NUBPL: variants seen among roughly 807,000 people sequenced by gnomAD.
NUBPL encodes NUBP iron-sulfur cluster assembly factor, mitochondrial.
In NUBPL, 31 loss-of-function variants were observed where a neutral mutation model predicts 45.7. The ratio of observed to expected loss-of-function variants is 0.68; its 90% CI spans 0.51 to 0.92. NUBPL has a LOEUF of 0.92. Ranked by LOEUF, NUBPL falls within the 40% of genes least tolerant of loss-of-function variation. The pLI is 0.00. For synonymous variants in NUBPL, 144 were observed against 140.9 expected, an observed-to-expected ratio of 1.02 and a Z score of -0.15; for missense variants, 401 against 398.7, an observed-to-expected ratio of 1.01 and a Z score of -0.05.
At chr14:31,807,183 T>G in intron 7 of NUBPL, among the ~76,000 whole-genome samples, 1 of 152,234 alleles carries the variant, frequency 6.6e-6, no homozygotes, top group Admixed American at 6.5e-5. Context: ...TTTAGATCCT[T>G]GAGGAATCGC....
chr14:31,569,529 G>A (rs573110660), intron 3 of NUBPL, among the ~76,000 whole-genome samples: 7 of 152,274 alleles, frequency 4.6e-5, no homozygotes, highest in Non-Finnish European at 7.4e-5. Flanking sequence ...TATAGGAATA[G>A]GGTGTAGATT....
At chr14:31,693,663 T>G (rs1170707340) in intron 6 of NUBPL, among the ~76,000 whole-genome samples, 1 of 152,170 alleles carries the variant, frequency 6.6e-6, no homozygotes, top group Non-Finnish European at 1.5e-5. Flanking sequence ...AATTTCTTTT[T>G]ATGATTTTTG....
chr14:31,786,383 G>T (rs981216498), intron 6 of NUBPL, among the ~76,000 whole-genome samples: 3 of 152,154 alleles, frequency 2.0e-5, no homozygotes, highest in African/African-American at 7.2e-5. Context: ...TGAAACAACA[G>T]TAAATGAATG....
intron 6 of NUBPL, among the ~76,000 whole-genome samples, chr14:31,707,491 G>T (rs894450002): frequency 2.0e-5 from 3 of 151,284 alleles, no homozygotes; most frequent in African/African-American, 7.3e-5. Context: ...TTCTTTCTTT[G>T]ACTTTTTGTC....
At chr14:31,582,073 T>G (rs116662336) in intron 3 of NUBPL, among the ~76,000 whole-genome samples, 1 of 152,178 alleles carries the variant, frequency 6.6e-6, no homozygotes, top group African/African-American at 2.4e-5. Flanking sequence ...TAAGCCTTGT[T>G]TTTTAGTAGT....
chr14:31,631,135 T>C (rs911193201), intron 4 of NUBPL, among the ~76,000 whole-genome samples: 7 of 152,058 alleles, frequency 4.6e-5, no homozygotes, highest in African/African-American at 1.7e-4. Context: ...TCTCACTTGT[T>C]TTTCTTTTTT....
intron 7 of NUBPL, among the ~76,000 whole-genome samples, chr14:31,814,508 C>A (rs1315218133): frequency 2.6e-5 from 4 of 151,870 alleles, no homozygotes; most frequent in African/African-American, 9.7e-5. Context: ...ATGATAATTT[C>A]TTTTGCTGTG....
intron 3 of NUBPL, among the ~76,000 whole-genome samples, chr14:31,595,076 A>G (rs2034247703): frequency 6.6e-6 from 1 of 152,236 alleles, no homozygotes; most frequent in South Asian, 2.1e-4. Flanking sequence ...ACAAAGCAGT[A>G]TCAAAACTGT....
At chr14:31,784,369 T>C (rs1396322637) in intron 6 of NUBPL, among the ~76,000 whole-genome samples, 4 of 152,164 alleles carry the variant, frequency 2.6e-5, no homozygotes, top group African/African-American at 4.8e-5. Context: ...CATGAAGTCT[T>C]TGTATGAGAA....
At chr14:31,661,463 A>G (rs2036267191) in intron 4 of NUBPL, among the ~76,000 whole-genome samples, 1 of 152,248 alleles carries the variant, frequency 6.6e-6, no homozygotes, top group African/African-American at 2.4e-5. Context: ...TGTACCTGTA[A>G]TCATGAGTTG....
intron 4 of NUBPL, among the ~76,000 whole-genome samples, chr14:31,610,732 T>C (rs2034734851): frequency 6.6e-6 from 1 of 151,996 alleles, no homozygotes. Context: ...CCATTCATCA[T>C]GACCAACTGG....
chr14:31,748,858 C>A (rs2038459380), intron 6 of NUBPL, among the ~76,000 whole-genome samples: 2 of 152,094 alleles, frequency 1.3e-5, no homozygotes, highest in African/African-American at 4.8e-5. Context: ...GGTGATCTAC[C>A]CACCTGGGCT....
chr14:31,677,913 T>A (rs938977228), intron 6 of NUBPL, among the ~76,000 whole-genome samples: 1 of 152,176 alleles, frequency 6.6e-6, no homozygotes. Context: ...AGACCCCAGG[T>A]GGGTCCAGAG....
At chr14:31,816,868 A>T (rs796764068) in intron 7 of NUBPL, among the ~76,000 whole-genome samples, 2 of 152,034 alleles carry the variant, frequency 1.3e-5, no homozygotes, top group Non-Finnish European at 1.5e-5. Context: ...CCTGAGTTCT[A>T]ATTTGATTGC....
chr14:31,679,717 A>G (rs553254073), intron 6 of NUBPL, among the ~76,000 whole-genome samples: 34 of 152,068 alleles, frequency 2.2e-4, no homozygotes, highest in Non-Finnish European at 3.7e-4. Flanking sequence ...TGTTTTTTCA[A>G]TTGTTTTGGC....
chr14:31,631,229 T>C (rs2035333602), intron 4 of NUBPL, among the ~76,000 whole-genome samples: 1 of 152,120 alleles, frequency 6.6e-6, no homozygotes, highest in Non-Finnish European at 1.5e-5. Context: ...TTTTTACAGG[T>C]GTCTGTGTGT....
intron 8 of NUBPL, among the ~76,000 whole-genome samples, chr14:31,833,615 G>A (rs889708346): frequency 6.6e-6 from 1 of 152,170 alleles, no homozygotes; most frequent in Non-Finnish European, 1.5e-5. Flanking sequence ...TCTTGCTCAT[G>A]TAACAGTACC....
At chr14:31,585,743 T>C (rs890722373) in intron 3 of NUBPL, among the ~76,000 whole-genome samples, 2 of 152,202 alleles carry the variant, frequency 1.3e-5, no homozygotes, top group Admixed American at 6.5e-5. Context: ...TTCTCATGGT[T>C]ATGAAGGGTT....
chr14:31,651,841 G>C (rs1018808469), intron 4 of NUBPL, among the ~76,000 whole-genome samples: 5 of 151,150 alleles, frequency 3.3e-5, no homozygotes, highest in African/African-American at 1.2e-4. Context: ...AGAGCTTACA[G>C]TGAGCTGAGA....
Sources: gnomAD v4.1 joint callset for allele counts (sites outside exome capture counted in the v4.1 genomes callset) on GRCh38, gnomAD v4.1.1 for gene constraint, MANE v1.5 for transcripts, NCBI Gene and HGNC (gene_info 2026-07-23, HGNC 2026-07-21) for gene names.